The following PRKD1 variants were observed in gnomAD, a reference collection of about 807,000 sequenced individuals.
The protein encoded by PRKD1 is serine/threonine-protein kinase D1.
A neutral mutation model predicts 95.9 loss-of-function variants in PRKD1; 63 were observed. The ratio of observed to expected loss-of-function variants is 0.66; its 90% CI spans 0.54 to 0.81. The LOEUF is 0.81. Among genes scored for constraint, PRKD1 ranks in the 30% least tolerant of loss-of-function variants. PRKD1 has a pLI of 0.00. For missense variants in PRKD1, 1,048 were observed against 1,165.3 expected (o/e 0.90, Z 1.47); for synonymous variants, 425 against 423.1 (o/e 1.00, Z -0.05).
chr14:29,867,538 G>A (rs750028986), intron 1 of PRKD1, among the ~76,000 whole-genome samples: 5 of 152,216 alleles, frequency 3.3e-5, no homozygotes, highest in African/African-American at 4.8e-5. Context: ...GTTTGAGAGG[G>A]TGGCAGGGGC....
At chr14:29,662,433 T>C (rs917202482) in intron 4 of PRKD1, among the ~76,000 whole-genome samples, 19 of 152,252 alleles carry the variant, frequency 1.2e-4, no homozygotes, top group African/African-American at 4.6e-4. Flanking sequence ...CATGGAATAA[T>C]ATATGATCAT....
In PRKD1 at chr14:29,837,221, A is replaced by G. The variant is rs371256733; in HGVS notation, c.264+90028T>C. Among the ~76,000 whole-genome samples, 23 of 152,326 alleles carry G rather than the reference A, an allele frequency of 1.5e-4. 1 individual carries two copies. The East Asian group carries it at 3.5e-3, about 23-fold the overall frequency. The stretch of plus-strand genomic sequence containing the variant: ...TAAGGTGTTTTTTTTAAAGAATTCA[A>G]AATGAAACTATTTCCAAAACTAATA... On this transcript the variant is annotated intron_variant, in intron 1 of 17. Coordinates refer to ENST00000331968, the MANE Select transcript of PRKD1 (RefSeq NM_002742.3).
chr14:29,927,106 G>A (rs1264792303), intron 1 of PRKD1, 143 bp downstream of exon 1: 2 of 873,696 alleles, frequency 2.3e-6, no homozygotes, highest in South Asian at 1.0e-4. Context: ...CAGCCGCGGC[G>A]GGGCCAGCCG....
chr14:29,620,920 C>T (rs1328286346), intron 13 of PRKD1, among the ~76,000 whole-genome samples: 1 of 151,762 alleles, frequency 6.6e-6, no homozygotes, highest in East Asian at 1.9e-4. Flanking sequence ...AGACTTGGAA[C>T]CAACCCAAAT....
At chr14:29,862,301 T>C (rs565222161) in intron 1 of PRKD1, among the ~76,000 whole-genome samples, 1 of 152,348 alleles carries the variant, frequency 6.6e-6, no homozygotes, top group African/African-American at 2.4e-5. Flanking sequence ...AAATCTTGGC[T>C]ATTGTGAACA....
intron 1 of PRKD1, among the ~76,000 whole-genome samples, chr14:29,776,977 G>A (rs987703649): frequency 3.9e-5 from 6 of 152,146 alleles, no homozygotes; most frequent in African/African-American, 9.7e-5. Context: ...AGAAGAGAGT[G>A]GGGGCCAATA....
intron 1 of PRKD1, among the ~76,000 whole-genome samples, chr14:29,831,854 C>T (rs1891425642): frequency 6.6e-6 from 1 of 151,988 alleles, no homozygotes; most frequent in Non-Finnish European, 1.5e-5. Flanking sequence ...TATTTTTATT[C>T]ATGTACATGT....
At chr14:29,914,081 T>C (rs1429309585) in intron 1 of PRKD1, among the ~76,000 whole-genome samples, 1 of 152,228 alleles carries the variant, frequency 6.6e-6, no homozygotes, top group Non-Finnish European at 1.5e-5. Flanking sequence ...CAGGAACCGT[T>C]AGAATCGAAC....
At chr14:29,775,112 G>GA (rs956937681) in intron 1 of PRKD1, among the ~76,000 whole-genome samples, 71 of 149,650 alleles carry the variant, frequency 4.7e-4, no homozygotes, top group African/African-American at 1.2e-3. Context: ...TCTGATTTAT[G>GA]AAAAAAAAAA....
In PRKD1 at chr14:29,624,196, T is replaced by C; in HGVS notation, c.1861A>G (p.Thr621Ala). 2 of 1,605,930 alleles carry C rather than the reference T, an allele frequency of 1.2e-6. No individual in the cohort carries two copies. The highest frequency in any genetic ancestry group is 1.1e-5 in the South Asian group (1 of 89,884). The change falls in exon 13 of 18, where the codon ACA becomes GCA. Residue 621 changes from threonine (T) to alanine (A), a missense_variant. By Grantham distance (58) the Thr-to-Ala change is moderately conservative. Around this residue, in one of 3 missense-constraint regions of PRKD1, gnomAD observed 739 missense variants for 861.9 expected, o/e 0.86. Coordinates refer to ENST00000331968, the MANE Select transcript of PRKD1 (RefSeq NM_002742.3). ...IKIIDKLRFP[T>A]KQESQLRNEV... ...TTACGAAGCTGGCTTTCTTGTTTTG[T>C]TGGAAATCGTAATTTGTCAATGATT...
intron 1 of PRKD1, among the ~76,000 whole-genome samples, chr14:29,843,295 ATCTT>A (rs1171375835): frequency 6.6e-6 from 1 of 152,198 alleles, no homozygotes; most frequent in Non-Finnish European, 1.5e-5. Flanking sequence ...CCCTGCTGAC[ATCTT>A]GATCTTGTAC....
intron 10 of PRKD1, among the ~76,000 whole-genome samples, chr14:29,630,243 A>G (rs1329101938): frequency 6.6e-6 from 1 of 152,016 alleles, no homozygotes; most frequent in Non-Finnish European, 1.5e-5. Context: ...GAGCTCAAGC[A>G]ATTCTCCTGC....
At chr14:29,678,644 T>C (rs1408662248) in intron 2 of PRKD1, among the ~76,000 whole-genome samples, 2 of 152,206 alleles carry the variant, frequency 1.3e-5, no homozygotes, top group Non-Finnish European at 2.9e-5. Flanking sequence ...TCAAAGAGTA[T>C]GTGTGTGCAC....
intron 1 of PRKD1, among the ~76,000 whole-genome samples, chr14:29,750,162 T>C (rs1887409880): frequency 6.6e-6 from 1 of 152,162 alleles, no homozygotes; most frequent in African/African-American, 2.4e-5. Context: ...CCATTCATTC[T>C]AGTAAAGCAA....
intron 2 of PRKD1, among the ~76,000 whole-genome samples, chr14:29,666,854 T>C (rs550439029): frequency 6.6e-6 from 1 of 152,284 alleles, no homozygotes; most frequent in African/African-American, 2.4e-5. Context: ...CTGCAGTCCA[T>C]TCTGAGAAAT....
intron 1 of PRKD1, among the ~76,000 whole-genome samples, chr14:29,755,047 GT>G (rs1887633825): frequency 1.3e-5 from 2 of 152,082 alleles, no homozygotes; most frequent in African/African-American, 4.8e-5. Flanking sequence ...TTCTAGTGGT[GT>G]TTTTTCCGTT....
intron 1 of PRKD1, among the ~76,000 whole-genome samples, chr14:29,826,700 C>CACATATATATATACATATATATACACAT (rs377377299): frequency 3.5e-5 from 1 of 28,722 alleles, no homozygotes; most frequent in African/African-American, 1.1e-4. Context: ...CATATATATA[C>CACATATATATATACATATATATACACAT]ATATATACAC....
intron 1 of PRKD1, among the ~76,000 whole-genome samples, chr14:29,742,281 G>C (rs562832843): frequency 6.6e-6 from 1 of 152,270 alleles, no homozygotes; most frequent in South Asian, 2.1e-4. Context: ...CCCAACATTA[G>C]TGACGTTTAT....
At chr14:29,818,792 T>C (rs746700275) in intron 1 of PRKD1, among the ~76,000 whole-genome samples, 1 of 152,156 alleles carries the variant, frequency 6.6e-6, no homozygotes, top group Non-Finnish European at 1.5e-5. Context: ...TAAACTTTTT[T>C]TAAAATGATG....
Sources: allele counts gnomAD v4.1 joint callset (sites outside exome capture counted in the v4.1 genomes callset), GRCh38; gene constraint gnomAD v4.1.1; regional missense constraint gnomAD v4.1.1; transcripts MANE v1.5; gene names NCBI Gene and HGNC (gene_info 2026-07-23, HGNC 2026-07-21).